SYNDIG1: variants seen among roughly 807,000 people sequenced by gnomAD.
The protein encoded by SYNDIG1 is synapse differentiation inducing 1, also known as synapse differentiation-inducing gene protein 1.
In SYNDIG1, 9 loss-of-function variants were observed where a neutral mutation model predicts 19.4. The ratio of observed to expected loss-of-function variants is 0.46; its 90% CI spans 0.28 to 0.81. The LOEUF (loss-of-function observed/expected upper bound fraction) is 0.81. SYNDIG1 is among the 30% of genes least tolerant of loss of function. SYNDIG1 has a pLI of 0.12. For missense variants in SYNDIG1, 311 were observed against 343.3 expected, an observed-to-expected ratio of 0.91 and a Z score of 0.74; for synonymous variants, 141 against 145.9, an observed-to-expected ratio of 0.97 and a Z score of 0.24.
At chr20:24,553,426 G>A (rs145114825) in intron 2 of SYNDIG1, among the ~76,000 whole-genome samples, 6,874 of 152,252 alleles carry the variant, frequency 0.045, 309 homozygotes, top group East Asian at 0.22. Flanking sequence ...TTTTCTTCTA[G>A]GGTTTTTATG....
intron 3 of SYNDIG1, among the ~76,000 whole-genome samples, chr20:24,611,498 C>T (rs1375230800): frequency 2.0e-5 from 3 of 152,142 alleles, no homozygotes; most frequent in Non-Finnish European, 2.9e-5. Flanking sequence ...ACTTCCAGCA[C>T]CCCCTCCCAC....
chr20:24,584,594 T>C (rs1009561066), intron 2 of SYNDIG1, among the ~76,000 whole-genome samples: 2 of 152,220 alleles, frequency 1.3e-5, no homozygotes, highest in East Asian at 1.9e-4. Flanking sequence ...GTAGGATTTC[T>C]TCTGCAAACG....
At chr20:24,614,197 T>C (rs1032511559) in intron 3 of SYNDIG1, among the ~76,000 whole-genome samples, 2 of 152,094 alleles carry the variant, frequency 1.3e-5, no homozygotes, top group Non-Finnish European at 1.5e-5. Flanking sequence ...AGAGATGCGG[T>C]CTCACTATGT....
intron 1 of SYNDIG1, 64 bp from the exon 2 acceptor site, chr20:24,542,956 C>G: frequency 7.8e-7 from 1 of 1,274,638 alleles, no homozygotes; most frequent in Non-Finnish European, 1.1e-6. Context: ...CAATGTGGGT[C>G]TGGGTGATTA....
chr20:24,522,103 C>A (rs538757567), intron 1 of SYNDIG1, among the ~76,000 whole-genome samples: 125 of 152,100 alleles, frequency 8.2e-4, no homozygotes, highest in African/African-American at 2.5e-3. Flanking sequence ...GAGATGGAGT[C>A]TTGCTCTGTT....
At chr20:24,555,789 G>T (rs1306834140) in intron 2 of SYNDIG1, among the ~76,000 whole-genome samples, 2 of 151,986 alleles carry the variant, frequency 1.3e-5, no homozygotes, top group South Asian at 2.1e-4. Context: ...CTGTTGATTT[G>T]GGGTGGAGAG....
intron 3 of SYNDIG1, among the ~76,000 whole-genome samples, chr20:24,623,764 G>T (rs542684480): frequency 7.2e-5 from 11 of 152,160 alleles, no homozygotes; most frequent in African/African-American, 2.4e-4. Context: ...TATTAAAAAA[G>T]AAGTATAAAT....
chr20:24,627,072 G>A (rs1019233861), intron 3 of SYNDIG1, among the ~76,000 whole-genome samples: 1 of 151,816 alleles, frequency 6.6e-6, no homozygotes, highest in Non-Finnish European at 1.5e-5. Flanking sequence ...CGTGGAAAGA[G>A]AGGGAGAGGG....
At chr20:24,518,752 T>G (rs2056941645) in intron 1 of SYNDIG1, among the ~76,000 whole-genome samples, 1 of 152,192 alleles carries the variant, frequency 6.6e-6, no homozygotes, top group Non-Finnish European at 1.5e-5. Flanking sequence ...ATTCACCACT[T>G]GAGCATACCT....
At chr20:24,597,372 C>T (rs1343823235) in intron 3 of SYNDIG1, among the ~76,000 whole-genome samples, 3 of 152,174 alleles carry the variant, frequency 2.0e-5, no homozygotes, top group Admixed American at 1.3e-4. Context: ...TGCCTTATCC[C>T]GTCTTGTGTC....
Position 24,665,390 on chromosome 20 carries a change from C to T in SYNDIG1, c.663C>T (p.Thr221=). 6.2e-7 allele frequency: 1 copy of T among 1,611,004 alleles called. No homozygotes were observed. Among genetic ancestry groups the T allele is most frequent in the Non-Finnish European group, 8.5e-7 (1 of 1,178,988 alleles). ...VAKGDLHQAS[T]SSRRALFLAV... Reference sequence around the variant, plus strand: ...AGGGGGACTTGCACCAGGCCAGCACCAGCTCCCGGCGGGCCCTATTCCTGG... The same window carrying T: ...AGGGGGACTTGCACCAGGCCAGCACTAGCTCCCGGCGGGCCCTATTCCTGG... Residue 221 remains threonine, a synonymous_variant, in exon 4 of 4, where the codon ACC becomes ACT. Coordinates refer to ENST00000376862, the MANE Select transcript of SYNDIG1 (RefSeq NM_024893.3).
intron 1 of SYNDIG1, among the ~76,000 whole-genome samples, chr20:24,503,964 T>TTTG (rs2056522058): frequency 6.7e-6 from 1 of 149,444 alleles, no homozygotes; most frequent in African/African-American, 2.5e-5. Context: ...AGGTTTTTTT[T>TTTG]TTTTTTTTTT....
At chr20:24,485,672 C>T (rs757470267) in intron 1 of SYNDIG1, among the ~76,000 whole-genome samples, 1 of 152,118 alleles carries the variant, frequency 6.6e-6, no homozygotes, top group Non-Finnish European at 1.5e-5. Context: ...GTGTATACAA[C>T]GTAGAAATGG....
intron 2 of SYNDIG1, among the ~76,000 whole-genome samples, chr20:24,552,360 G>A (rs991373962): frequency 6.6e-6 from 1 of 152,082 alleles, no homozygotes; most frequent in African/African-American, 2.4e-5. Flanking sequence ...ACAATGTGCA[G>A]GTTAGTTACA....
chr20:24,557,709 G>T (rs1252675066), intron 2 of SYNDIG1, among the ~76,000 whole-genome samples: 1 of 152,176 alleles, frequency 6.6e-6, no homozygotes, highest in African/African-American at 2.4e-5. Context: ...GTGTCAGTCT[G>T]CCCGTACTGG....
At chr20:24,485,662 G>A (rs1239649289) in intron 1 of SYNDIG1, among the ~76,000 whole-genome samples, 2 of 152,210 alleles carry the variant, frequency 1.3e-5, no homozygotes, top group African/African-American at 4.8e-5. Flanking sequence ...TAGCAAGTGT[G>A]TGTATACAAC....
chr20:24,642,385 C>A (rs1008474808), intron 3 of SYNDIG1, among the ~76,000 whole-genome samples: 2 of 152,072 alleles, frequency 1.3e-5, no homozygotes, highest in Non-Finnish European at 2.9e-5. Context: ...GCCTCCACAG[C>A]AGAGTCACTC....
chr20:24,636,404 A>G (rs2059316577), intron 3 of SYNDIG1, among the ~76,000 whole-genome samples: 1 of 152,178 alleles, frequency 6.6e-6, no homozygotes, highest in Non-Finnish European at 1.5e-5. Context: ...AGAGAGGGGC[A>G]CCTGAGTGGG....
intron 3 of SYNDIG1, among the ~76,000 whole-genome samples, chr20:24,603,422 G>A (rs932601390): frequency 1.8e-4 from 27 of 152,240 alleles, no homozygotes; most frequent in African/African-American, 6.5e-4. Context: ...GTGCCCATAG[G>A]TGAGAGCTGT....
Sources: allele counts gnomAD v4.1 joint callset (sites outside exome capture counted in the v4.1 genomes callset), GRCh38; gene constraint gnomAD v4.1.1; transcripts MANE v1.5; gene names NCBI Gene and HGNC (gene_info 2026-07-23, HGNC 2026-07-21).